The following NRG3 variants were observed in gnomAD, a reference collection of about 807,000 sequenced individuals.
The protein encoded by NRG3 is neuregulin 3, also known as pro-neuregulin-3, membrane-bound isoform.
A neutral mutation model predicts 66.9 loss-of-function variants in NRG3; 31 were observed. The ratio of observed to expected loss-of-function variants is 0.46; its 90% CI spans 0.35 to 0.63. The LOEUF (loss-of-function observed/expected upper bound fraction) is 0.63. NRG3 is among the 20% of genes least tolerant of loss of function. The pLI is 0.00. For missense variants in NRG3, 910 were observed against 878.9 expected (o/e 1.04, Z -0.45); for synonymous variants, 393 against 359.4 (o/e 1.09, Z -1.06).
chr10:82,610,437 C>T (rs1356623233), intron 2 of NRG3, among the ~76,000 whole-genome samples: 1 of 152,000 alleles, frequency 6.6e-6, no homozygotes, highest in Non-Finnish European at 1.5e-5. Flanking sequence ...ACATATAATT[C>T]CTTTAAAAAT....
chr10:82,490,661 A>G (rs992999823), intron 2 of NRG3, among the ~76,000 whole-genome samples: 2 of 152,054 alleles, frequency 1.3e-5, no homozygotes, highest in African/African-American at 2.4e-5. Flanking sequence ...TGTATTTGCA[A>G]ATGTCTACCT....
At chr10:82,408,085 C>CAGAGAGAAAGAA (rs2087715803) in intron 2 of NRG3, among the ~76,000 whole-genome samples, 1 of 74,860 alleles carries the variant, frequency 1.3e-5, no homozygotes, top group African/African-American at 6.1e-5. Flanking sequence ...GAGAGAGAGA[C>CAGAGAGAAAGAA]AGAAAGAAAG....
chr10:82,288,057 C>T (rs954730510), intron 1 of NRG3, among the ~76,000 whole-genome samples: 1 of 152,154 alleles, frequency 6.6e-6, no homozygotes, highest in South Asian at 2.1e-4. Context: ...ATAAGGGGAG[C>T]CCCGATGGGG....
intron 4 of NRG3, among the ~76,000 whole-genome samples, chr10:82,916,184 G>A (rs892952217): frequency 3.9e-5 from 6 of 152,176 alleles, no homozygotes; most frequent in Admixed American, 2.0e-4. Context: ...GAGCACACTG[G>A]TTTACACCTG....
At chr10:82,711,234 A>G (rs1468588937) in intron 2 of NRG3, among the ~76,000 whole-genome samples, 2 of 152,028 alleles carry the variant, frequency 1.3e-5, no homozygotes, top group African/African-American at 4.8e-5. Flanking sequence ...GTGTGCAACC[A>G]TGTCTGGCTA....
chr10:82,671,405 C>T (rs1418551215), intron 2 of NRG3, among the ~76,000 whole-genome samples: 1 of 152,176 alleles, frequency 6.6e-6, no homozygotes, highest in Non-Finnish European at 1.5e-5. Flanking sequence ...CTGGCTAAAG[C>T]AAGCATCTTT....
At chr10:82,167,785 A>G (rs545696949) in intron 1 of NRG3, among the ~76,000 whole-genome samples, 1 of 151,916 alleles carries the variant, frequency 6.6e-6, no homozygotes, top group Non-Finnish European at 1.5e-5. Context: ...TGTTTTTCTC[A>G]TTTTAAAAAC....
At chr10:82,406,943 A>T (rs1197854085) in intron 2 of NRG3, among the ~76,000 whole-genome samples, 1 of 152,066 alleles carries the variant, frequency 6.6e-6, no homozygotes, top group Non-Finnish European at 1.5e-5. Context: ...GAATCTTCTT[A>T]TCATCATTAC....
chr10:82,928,579 CCATTTATTTTTAT>C (rs1430738769), intron 4 of NRG3, among the ~76,000 whole-genome samples: 1 of 148,460 alleles, frequency 6.7e-6, no homozygotes, highest in Non-Finnish European at 1.5e-5. Flanking sequence ...TCTCCCAACA[CCATTTATTTTTAT>C]CTATTTCAGG....
chr10:81,911,600 C>CGTG (rs1845156462), intron 1 of NRG3, among the ~76,000 whole-genome samples: 1 of 112,138 alleles, frequency 8.9e-6, no homozygotes, highest in Non-Finnish European at 1.8e-5. Context: ...CTAGCACAGA[C>CGTG]TTGTTTTTTT....
chr10:82,546,259 C>G (rs1373373025), intron 2 of NRG3, among the ~76,000 whole-genome samples: 5 of 152,194 alleles, frequency 3.3e-5, no homozygotes, highest in African/African-American at 1.2e-4. Flanking sequence ...TGCAGAATTA[C>G]TCATACAATT....
intron 2 of NRG3, among the ~76,000 whole-genome samples, chr10:82,399,261 C>G (rs910974815): frequency 6.6e-6 from 1 of 152,030 alleles, no homozygotes; most frequent in Admixed American, 6.6e-5. Context: ...TTGTTCTAGA[C>G]GTACCAAATA....
chr10:82,629,601 C>G (rs2049672678), intron 2 of NRG3, among the ~76,000 whole-genome samples: 1 of 152,168 alleles, frequency 6.6e-6, no homozygotes, highest in Admixed American at 6.5e-5. Context: ...GAGCATCCTC[C>G]TGAAGTAGTG....
intron 4 of NRG3, among the ~76,000 whole-genome samples, chr10:82,875,737 C>T (rs1342956923): frequency 6.6e-6 from 1 of 152,126 alleles, no homozygotes; most frequent in Non-Finnish European, 1.5e-5. Context: ...AATCACAAGC[C>T]CTCCAAGTAT....
intron 1 of NRG3, among the ~76,000 whole-genome samples, chr10:81,902,360 T>G (rs1032844677): frequency 1.3e-5 from 2 of 152,118 alleles, no homozygotes; most frequent in African/African-American, 4.8e-5. Context: ...CCCCTAAATT[T>G]CTGTGTTAAA....
chr10:82,818,201 C>A (rs1028033036), intron 3 of NRG3, among the ~76,000 whole-genome samples: 1 of 152,138 alleles, frequency 6.6e-6, no homozygotes, highest in African/African-American at 2.4e-5. Context: ...GGTAACGCAG[C>A]GTTGCCATGG....
intron 1 of NRG3, among the ~76,000 whole-genome samples, chr10:82,320,023 G>A (rs1005956341): frequency 3.9e-5 from 6 of 152,180 alleles, no homozygotes; most frequent in African/African-American, 9.7e-5. Context: ...AAGGGCTCAG[G>A]AGAACTAACT....
At position 82,076,034 on chromosome 10, in the gene NRG3, G is replaced by A. The variant is rs189260152; in HGVS notation, c.823+199871G>A. Among the ~76,000 whole-genome samples, 183 of 152,180 alleles carry A rather than the reference G, an allele frequency of 1.2e-3. 1 individual carries two copies. Among genetic ancestry groups the A allele is most frequent in the African/African-American group, 4.3e-3 (178 of 41,534 alleles). ...GAGGAAGGGGAATTCTAAGTGAAACGATAGGGGTCCATATCACATTGCATC... is the reference window on the plus strand; with the variant it reads ...GAGGAAGGGGAATTCTAAGTGAAACAATAGGGGTCCATATCACATTGCATC... On this transcript the variant is annotated intron_variant, in intron 1 of 8. Transcript: ENST00000372141.
intron 4 of NRG3, among the ~76,000 whole-genome samples, chr10:82,866,899 C>T (rs1250690977): frequency 6.6e-6 from 1 of 152,044 alleles, no homozygotes; most frequent in Non-Finnish European, 1.5e-5. Flanking sequence ...AGGTCAAGGA[C>T]TTGAGAGGAC....
Sources: gnomAD v4.1 joint callset for allele counts (sites outside exome capture counted in the v4.1 genomes callset) on GRCh38, gnomAD v4.1.1 for gene constraint, MANE v1.5 for transcripts, NCBI Gene and HGNC (gene_info 2026-07-23, HGNC 2026-07-21) for gene names.